SYMPK: variants seen among roughly 807,000 people sequenced by gnomAD.
SYMPK encodes symplekin scaffold protein.
In SYMPK, 49 loss-of-function variants were observed where a neutral mutation model predicts 136.4. The observed-to-expected ratio is 0.36, with a 90% CI of 0.29 to 0.46. The LOEUF is 0.46. Among genes scored for constraint, SYMPK ranks in the 20% least tolerant of loss-of-function variants. SYMPK has a pLI of 1.00. For missense variants in SYMPK, 1,365 were observed against 1,690.0 expected (o/e 0.81, Z 3.37); for synonymous variants, 766 against 713.0 (o/e 1.07, Z -1.19).
rs558850066 is a variant in SYMPK at position 45,829,342 on chromosome 19, G to C, written c.1750-137C>G. The C allele has an allele frequency of 9.4e-4, 684 of 726,308 alleles. 2 individuals carry two copies. In the African/African-American group the frequency reaches 0.011, roughly 12 times the overall value. The allele number at this position is 726,308 out of a possible 1,614,324, so 45.0% of individuals were successfully genotyped here. On this transcript the variant is annotated intron_variant, in intron 13 of 26. Transcript: ENST00000245934. ...GAGTGAAGCGAGGAAGGCCAGCCGA[G>C]GACCCTTATGCCTAGGAAGGTCCCG...
chr19:45,817,906 G>GT, intron 23 of SYMPK, 53 bp downstream of exon 23: 5 of 1,498,728 alleles, frequency 3.3e-6, no homozygotes, highest in Non-Finnish European at 4.5e-6. Context: ...AGGGCAAGCA[G>GT]GCTAGAAGCT....
chr19:45,834,926 C>A (rs546155620), intron 11 of SYMPK, 152 bp downstream of exon 11: 2 of 654,592 alleles, frequency 3.1e-6, no homozygotes, highest in East Asian at 6.0e-5. Flanking sequence ...CTTAAAAACA[C>A]TGAGCCATCT....
chr19:45,831,169 ATT>A (rs10714046), intron 12 of SYMPK: 52,537 of 337,042 alleles, frequency 0.16, 2 homozygotes, highest in Middle Eastern at 0.23. Flanking sequence ...ATAAAAAAGG[ATT>A]TTTTTTTTTT....
chr19:45,835,055 G>T, intron 11 of SYMPK, 23 bp downstream of exon 11: 1 of 1,522,740 alleles, frequency 6.6e-7, no homozygotes, highest in Non-Finnish European at 8.8e-7. Flanking sequence ...CCCTGGCCCA[G>T]GTTAGGGCCA....
Position 45,830,115 on chromosome 19 carries a change from A to C in SYMPK, c.1688T>G (p.Leu563Arg). Residue 563 changes from leucine (L) to arginine (R), a missense_variant, in exon 13 of 27, where the codon CTG becomes CGG. By Grantham distance (102) the Leu-to-Arg change is moderately radical (BLOSUM62 -2). Transcript: ENST00000245934. ...LTDAQVEAMK[L>R]GAVKRILRAE... ...CCGCAGGATCCGCTTCACAGCGCCC[A>C]GCTTCATGGCTTCCACCTGGGCATC... The C allele has an allele frequency of 6.3e-7, 1 of 1,591,468 alleles. No homozygotes were observed. The highest frequency in any genetic ancestry group is 8.6e-7 in the Non-Finnish European group (1 of 1,167,500).
chr19:45,827,999 A>C, intron 14 of SYMPK, 81 bp from the exon 15 acceptor site: 18 of 1,280,874 alleles, frequency 1.4e-5, no homozygotes, highest in Non-Finnish European at 1.9e-5. Flanking sequence ...GTAGGAGCTC[A>C]GGGCCAGCAG....
Position 45,821,569 on chromosome 19 carries a change from A to G in SYMPK, c.2792-84T>C. On this transcript the variant is annotated intron_variant, in intron 21 of 26. Transcript: ENST00000245934. This position sits in a 1 kb window ranked among gnomAD's most constrained non-coding sequence, Gnocchi z 4.4. ...GGGTCTGAGTTCCCCAGATCGGGGG[A>G]GCTGCGAGCAAAGATGAGGTGCCCT... The G allele has an allele frequency of 1.1e-6, 1 of 895,492 alleles. No individual in the cohort carries two copies. Among genetic ancestry groups the G allele is most frequent in the Non-Finnish European group, 1.8e-6 (1 of 566,104 alleles). 55.5% of individuals were successfully genotyped at this position (895,492 alleles called of 1,614,324 possible).
intron 23 of SYMPK, among the ~76,000 whole-genome samples, chr19:45,817,344 G>A (rs1970771320): frequency 6.6e-6 from 1 of 151,568 alleles, no homozygotes; most frequent in South Asian, 2.1e-4. Flanking sequence ...GACCTGTCCT[G>A]GGTCACATGT....
chr19:45,833,210 AT>A (rs1395247330), intron 11 of SYMPK, among the ~76,000 whole-genome samples: 2 of 152,166 alleles, frequency 1.3e-5, no homozygotes, highest in African/African-American at 4.8e-5. Flanking sequence ...TCTCAAAAAA[AT>A]AAATAAATAA....
chr19:45,848,225 G>C (rs1421008446), intron 6 of SYMPK, among the ~76,000 whole-genome samples: 2 of 152,218 alleles, frequency 1.3e-5, no homozygotes, highest in Non-Finnish European at 2.9e-5. Flanking sequence ...GGGATGCAGA[G>C]AGTGACCACT....
chr19:45,850,792 G>A (rs972631353), intron 5 of SYMPK, among the ~76,000 whole-genome samples: 1 of 152,150 alleles, frequency 6.6e-6, no homozygotes, highest in Non-Finnish European at 1.5e-5. Context: ...TCCTCACAGA[G>A]CTGATATTTT....
chr19:45,816,045 C>T lies in SYMPK; in HGVS notation c.3493G>A (p.Gly1165Arg). The T allele has an allele frequency of 1.9e-6, 3 of 1,572,050 alleles. No homozygotes were observed. In the Admixed American group the frequency reaches 5.6e-5, roughly 29 times the overall value. The change falls in exon 26 of 27, where the codon GGA (glycine) becomes AGA (arginine). Residue 1165 changes from glycine to arginine, a missense_variant. Physicochemically the swap from Gly to Arg is moderately radical, Grantham distance 125. Transcript: ENST00000245934. ...EEQKLKPGGV[G>R]APSSSSPSPS... ...GAGGGGGAGGAAGAGGAGGGGGCTC[C>T]CACTCCTCCCGGCTTCAGCTTCTGT...
In SYMPK at chr19:45,816,479, C is replaced by T. The variant is rs1197942561; in HGVS notation, c.3354+3G>A. 6.2e-7 allele frequency: 1 copy of T among 1,610,742 alleles called. No individual in the cohort carries two copies. Among genetic ancestry groups the T allele is most frequent in the Non-Finnish European group, 8.5e-7 (1 of 1,179,528 alleles). On this transcript the variant is annotated splice_donor_region_variant and intron_variant, in intron 25 of 26. Transcript: ENST00000245934. ...CCAGATGGGTGGGCTGCAGGGCCCT[C>T]ACCTCCTCCAAGGGCCCCGCAGGCG...
intron 9 of SYMPK, among the ~76,000 whole-genome samples, chr19:45,841,675 A>C (rs766684861): frequency 4.5e-4 from 69 of 152,296 alleles, no homozygotes; most frequent in Non-Finnish European, 8.1e-4. Flanking sequence ...AAAAATCTTA[A>C]AGTTAAGAAA....
chr19:45,825,441 A>G, intron 17 of SYMPK, 110 bp from the exon 18 acceptor site: 5 of 1,363,426 alleles, frequency 3.7e-6, no homozygotes, highest in Non-Finnish European at 4.9e-6. Flanking sequence ...CAGAGAAGGG[A>G]GCCGGGGCTG....
chr19:45,854,395 T>C lies in SYMPK; in HGVS notation c.101A>G (p.Glu34Gly). The C allele has an allele frequency of 6.2e-7, 1 of 1,614,072 alleles. No individual in the cohort carries two copies. The highest frequency in any genetic ancestry group is 1.1e-5 in the South Asian group (1 of 91,080). ...GPGIDGMTTS[E>G]RVVDLLNQAA... ...AGCCCTACCCGCCACGCTCACCCTCTCTGAGGTGGTCATGCCATCGATGCC... is the reference window on the plus strand; with the variant it reads ...AGCCCTACCCGCCACGCTCACCCTCCCTGAGGTGGTCATGCCATCGATGCC... The change falls in exon 2 of 27, where the codon GAG becomes GGG. Residue 34 changes from glutamate (E) to glycine (G), a missense_variant. This residue lies in a region of SYMPK where 61 missense variants were observed against 80.7 expected (regional missense o/e 0.76). Coordinates refer to ENST00000245934, the MANE Select transcript of SYMPK (RefSeq NM_004819.3).
chr19:45,848,622 T>C, intron 6 of SYMPK, 128 bp downstream of exon 6: 2 of 1,307,476 alleles, frequency 1.5e-6, no homozygotes, highest in South Asian at 2.6e-5. Flanking sequence ...TGTTATCTGT[T>C]CCCACAGACC....
intron 5 of SYMPK, among the ~76,000 whole-genome samples, chr19:45,851,274 A>G (rs144535781): frequency 6.6e-6 from 1 of 152,206 alleles, no homozygotes; most frequent in Non-Finnish European, 1.5e-5. Flanking sequence ...TCACTTGTTC[A>G]CTTTAAAATA....
intron 1 of SYMPK, chr19:45,854,879 CTT>C (rs35065812): frequency 5.1e-3 from 794 of 154,762 alleles, no homozygotes; most frequent in South Asian, 0.014. Flanking sequence ...AGCAAACTTT[CTT>C]TTTTTTTTTT....
Sources: allele counts gnomAD v4.1 joint callset (sites outside exome capture counted in the v4.1 genomes callset), GRCh38; gene constraint gnomAD v4.1.1; regional missense constraint gnomAD v4.1.1; non-coding constraint Gnocchi (gnomAD v3.1); transcripts MANE v1.5; gene names NCBI Gene and HGNC (gene_info 2026-07-23, HGNC 2026-07-21).